The following CALN1 variants were observed in gnomAD, a reference collection of about 807,000 sequenced individuals.
CALN1 encodes the protein calneuron 1.
A neutral mutation model predicts 30.6 loss-of-function variants in CALN1; 17 were observed. The observed-to-expected ratio is 0.56, with a 90% CI of 0.38 to 0.83. CALN1 has a LOEUF of 0.83. Among genes scored for constraint, CALN1 ranks in the 40% least tolerant of loss-of-function variants. CALN1 has a pLI of 0.00. For synonymous variants in CALN1, 156 were observed against 131.4 expected (o/e 1.19, Z -1.28); for missense variants, 291 against 354.9 (o/e 0.82, Z 1.45).
At chr7:72,298,809 A>AAAAAAAAAGAGGGGAGGGGTGCGG (rs1799042913) in intron 2 of CALN1, among the ~76,000 whole-genome samples, 3 of 151,564 alleles carry the variant, frequency 2.0e-5, no homozygotes, top group African/African-American at 7.3e-5. Flanking sequence ...GTTTTAAAAA[A>AAAAAAAAAGAGGGGAGGGGTGCGG]AAAAAAAAAG....
chr7:72,208,487 GATATTTTGAA>G lies in CALN1; in HGVS notation c.244+70189_244+70198del, dbSNP rs148354591. Among the ~76,000 whole-genome samples, 216 of 152,328 alleles carry G rather than the reference GATATTTTGAA, an allele frequency of 1.4e-3. 7 individuals carry two copies. In the East Asian group the frequency reaches 0.039, roughly 27 times the overall value. Reference sequence around the variant, plus strand: ...CATGGAAGACTGCAGTTGCATGGATGATATTTTGAAAACCACATGGATATGCCTGCTACAA... The same window carrying G: ...CATGGAAGACTGCAGTTGCATGGATGAACCACATGGATATGCCTGCTACAA... On this transcript the variant is annotated intron_variant, in intron 3 of 6. Coordinates refer to ENST00000395275, the MANE Select transcript of CALN1 (RefSeq NM_031468.4).
intron 3 of CALN1, among the ~76,000 whole-genome samples, chr7:72,248,397 C>A (rs926801784): frequency 6.6e-6 from 1 of 152,192 alleles, no homozygotes; most frequent in African/African-American, 2.4e-5. Flanking sequence ...CCACGCCCGG[C>A]CTCTTTGCCT....
intron 1 of CALN1, among the ~76,000 whole-genome samples, chr7:72,407,466 G>C (rs543019081): frequency 6.6e-6 from 1 of 152,292 alleles, no homozygotes; most frequent in South Asian, 2.1e-4. Flanking sequence ...TGCTGTTCTT[G>C]TGATACAGTT....
intron 3 of CALN1, among the ~76,000 whole-genome samples, chr7:72,219,222 A>G (rs1284623706): frequency 1.3e-5 from 2 of 151,978 alleles, no homozygotes; most frequent in Non-Finnish European, 2.9e-5. Flanking sequence ...AATGCCCGTC[A>G]TTTTTTCTTC....
At chr7:72,328,267 G>C (rs1298633827) in intron 2 of CALN1, among the ~76,000 whole-genome samples, 2 of 152,130 alleles carry the variant, frequency 1.3e-5, no homozygotes, top group Non-Finnish European at 2.9e-5. Flanking sequence ...CGTATCAAGG[G>C]TGGGGCCAGG....
intron 5 of CALN1, among the ~76,000 whole-genome samples, chr7:72,021,270 A>ATC (rs2129530063): frequency 6.6e-6 from 1 of 152,076 alleles, no homozygotes; most frequent in East Asian, 1.9e-4. Flanking sequence ...ATGAAACCCT[A>ATC]TCTCTAAAAT....
chr7:72,042,529 TGGTCATGCA>T (rs1306115903), intron 4 of CALN1, among the ~76,000 whole-genome samples: 1 of 152,154 alleles, frequency 6.6e-6, no homozygotes, highest in African/African-American at 2.4e-5. Context: ...CATTGGGAGC[TGGTCATGCA>T]GGCACTCTCT....
intron 5 of CALN1, among the ~76,000 whole-genome samples, chr7:72,023,328 G>A (rs187078106): frequency 6.6e-5 from 10 of 152,242 alleles, no homozygotes; most frequent in African/African-American, 1.7e-4. Context: ...AAGATATCCC[G>A]GAACTGGGGT....
intron 5 of CALN1, among the ~76,000 whole-genome samples, chr7:71,959,848 T>C (rs1797147799): frequency 6.6e-6 from 1 of 151,996 alleles, no homozygotes; most frequent in Non-Finnish European, 1.5e-5. Context: ...AAAATGCATA[T>C]TTAGGCCGGG....
At chr7:72,206,191 C>CA (rs1791871683) in intron 3 of CALN1, among the ~76,000 whole-genome samples, 1 of 152,160 alleles carries the variant, frequency 6.6e-6, no homozygotes, top group African/African-American at 2.4e-5. Flanking sequence ...TCACATTCCC[C>CA]AAAAAATGTT....
intron 2 of CALN1, among the ~76,000 whole-genome samples, chr7:72,319,071 A>G (rs1038979270): frequency 1.3e-5 from 2 of 152,204 alleles, no homozygotes; most frequent in African/African-American, 2.4e-5. Flanking sequence ...TATCAAAAAG[A>G]GATCTGCACC....
intron 3 of CALN1, among the ~76,000 whole-genome samples, chr7:72,157,002 G>C (rs1787733792): frequency 6.6e-6 from 1 of 152,196 alleles, no homozygotes; most frequent in Non-Finnish European, 1.5e-5. Flanking sequence ...CCATGGTTGA[G>C]ACAGATGCTC....
chr7:72,360,206 G>A (rs1022534420), intron 2 of CALN1, among the ~76,000 whole-genome samples: 1 of 152,092 alleles, frequency 6.6e-6, no homozygotes, highest in Non-Finnish European at 1.5e-5. Context: ...AAGCTTCCTG[G>A]ATACAATAAG....
intron 4 of CALN1, among the ~76,000 whole-genome samples, chr7:72,070,826 G>GTCTATAATTCAATT (rs2129538101): frequency 6.6e-6 from 1 of 152,250 alleles, no homozygotes; most frequent in African/African-American, 2.4e-5. Context: ...CTCCTCCCCT[G>GTCTATAATTCAATT]TCTATAATTC....
chr7:71,881,568 T>C (rs1044480860), intron 5 of CALN1, among the ~76,000 whole-genome samples: 2 of 152,190 alleles, frequency 1.3e-5, no homozygotes, highest in South Asian at 2.1e-4. Context: ...GATATAAACA[T>C]GCAAATTGGA....
At chr7:72,394,365 G>T (rs1251587053) in intron 2 of CALN1, among the ~76,000 whole-genome samples, 1 of 152,172 alleles carries the variant, frequency 6.6e-6, no homozygotes, top group African/African-American at 2.4e-5. Context: ...TTCACTTCTA[G>T]AAAATGTAGC....
intron 5 of CALN1, among the ~76,000 whole-genome samples, chr7:71,994,344 T>A (rs1799128062): frequency 6.6e-6 from 1 of 151,892 alleles, no homozygotes; most frequent in African/African-American, 2.4e-5. Flanking sequence ...AAACTCCGTC[T>A]CTACTAAAAA....
intron 5 of CALN1, among the ~76,000 whole-genome samples, chr7:71,827,144 G>A (rs1486664303): frequency 1.3e-5 from 2 of 152,208 alleles, no homozygotes; most frequent in East Asian, 3.9e-4. Flanking sequence ...AGAGGAGGCT[G>A]CATTTCAACT....
At chr7:72,025,368 A>G (rs1402035270) in intron 4 of CALN1, among the ~76,000 whole-genome samples, 1 of 152,174 alleles carries the variant, frequency 6.6e-6, no homozygotes, top group Non-Finnish European at 1.5e-5. Flanking sequence ...CCAGTCACTG[A>G]TTTGCATGCC....
Sources: gnomAD v4.1 joint callset for allele counts (sites outside exome capture counted in the v4.1 genomes callset) on GRCh38, gnomAD v4.1.1 for gene constraint, MANE v1.5 for transcripts, NCBI Gene and HGNC (gene_info 2026-07-23, HGNC 2026-07-21) for gene names.